MCC: variants seen among roughly 807,000 people sequenced by gnomAD.
MCC encodes the protein MCC regulator of Wnt signaling pathway.
In MCC, 90 loss-of-function variants were observed where a neutral mutation model predicts 116.2. The ratio of observed to expected loss-of-function variants is 0.77; its 90% CI spans 0.65 to 0.92. The LOEUF is 0.92. Among genes scored for constraint, MCC ranks in the 40% least tolerant of loss-of-function variants. The pLI is 0.00. For synonymous variants in MCC, 578 were observed against 510.5 expected (o/e 1.13, Z -1.78); for missense variants, 1,516 against 1,312.2 (o/e 1.16, Z -2.40).
chr5:113,189,737 T>C (rs1190062611), intron 3 of MCC, among the ~76,000 whole-genome samples: 3 of 152,186 alleles, frequency 2.0e-5, no homozygotes, highest in South Asian at 4.1e-4. Flanking sequence ...TGTTTAACCT[T>C]TGAAAAAGGA....
At chr5:113,217,098 G>C (rs1291862439) in intron 3 of MCC, among the ~76,000 whole-genome samples, 1 of 152,192 alleles carries the variant, frequency 6.6e-6, no homozygotes, top group Non-Finnish European at 1.5e-5. Context: ...TTCATAGCAG[G>C]AGCCCTGATT....
chr5:113,319,016 C>G (rs757208263), intron 3 of MCC, among the ~76,000 whole-genome samples: 2 of 152,016 alleles, frequency 1.3e-5, no homozygotes, highest in Non-Finnish European at 2.9e-5. Context: ...ACAAGACACA[C>G]GCCACCACAT....
intron 3 of MCC, among the ~76,000 whole-genome samples, chr5:113,257,809 G>C (rs968036454): frequency 2.0e-5 from 3 of 152,260 alleles, no homozygotes; most frequent in African/African-American, 7.2e-5. Flanking sequence ...GGAGACTATG[G>C]AGGAGAAGTG....
chr5:113,112,258 G>T (rs763789684), intron 6 of MCC, among the ~76,000 whole-genome samples: 8 of 152,182 alleles, frequency 5.3e-5, no homozygotes, highest in Non-Finnish European at 1.0e-4. Context: ...GCTTGGGTTT[G>T]TGTCCCTACC....
intron 8 of MCC, among the ~76,000 whole-genome samples, chr5:113,100,085 C>T (rs887819948): frequency 6.6e-6 from 1 of 152,180 alleles, no homozygotes; most frequent in Non-Finnish European, 1.5e-5. Context: ...TGGAGACTGT[C>T]ATCCGATATA....
chr5:113,152,196 C>T (rs928244316), intron 3 of MCC, among the ~76,000 whole-genome samples: 1 of 152,182 alleles, frequency 6.6e-6, no homozygotes, highest in Non-Finnish European at 1.5e-5. Context: ...TAACAGGAGG[C>T]CCCACGTACA....
At chr5:113,095,366 T>C (rs896624121) in intron 8 of MCC, among the ~76,000 whole-genome samples, 7 of 152,188 alleles carry the variant, frequency 4.6e-5, no homozygotes, top group Non-Finnish European at 8.8e-5. Flanking sequence ...AAAGCTTTTG[T>C]AGGCCTCTGT....
At chr5:113,229,457 TGGA>T (rs1448126789) in intron 3 of MCC, among the ~76,000 whole-genome samples, 1 of 152,070 alleles carries the variant, frequency 6.6e-6, no homozygotes, top group East Asian at 1.9e-4. Context: ...AACACGCAAA[TGGA>T]GGAGGTTAGC....
intron 3 of MCC, among the ~76,000 whole-genome samples, chr5:113,247,096 T>C (rs1764610099): frequency 6.6e-6 from 1 of 152,212 alleles, no homozygotes; most frequent in South Asian, 2.1e-4. Context: ...ACTGGAAAGG[T>C]AACGTCTTAA....
intron 1 of MCC, among the ~76,000 whole-genome samples, chr5:113,411,249 C>T (rs1249578757): frequency 6.6e-6 from 1 of 152,100 alleles, no homozygotes; most frequent in African/African-American, 2.4e-5. Context: ...TCAATTTCTC[C>T]ATATCCTCTC....
Position 113,183,930 on chromosome 5 carries a change from C to G in MCC, c.628-32508G>C, listed in dbSNP as rs547062527. Among the ~76,000 whole-genome samples the G allele has an allele frequency of 2.6e-5, 4 of 152,028 alleles. 1 individual carries two copies. The South Asian group carries it at 6.3e-4, about 24-fold the overall frequency. ...CGCCCCCACCCATCTTCACAATTCC[C>G]CATGCAATTTTTCGGTTGTGCAAAC... is the stretch of plus-strand genomic sequence containing the variant. On this transcript the variant is annotated intron_variant, in intron 3 of 18. Transcript: ENST00000408903.
chr5:113,147,632 T>A (rs1361565571), intron 4 of MCC, among the ~76,000 whole-genome samples: 1 of 152,178 alleles, frequency 6.6e-6, no homozygotes, highest in Non-Finnish European at 1.5e-5. Flanking sequence ...TTGTCACAAC[T>A]AACACTATTC....
intron 1 of MCC, among the ~76,000 whole-genome samples, chr5:113,463,245 T>C (rs756880047): frequency 3.9e-5 from 6 of 152,116 alleles, no homozygotes; most frequent in Non-Finnish European, 5.9e-5. Context: ...TGGTTAAGAA[T>C]TATGACTCAC....
At chr5:113,122,613 C>A in intron 6 of MCC, 71 bp downstream of exon 6, 1 of 1,567,910 alleles carries the variant, frequency 6.4e-7, no homozygotes, top group Middle Eastern at 1.9e-4. Flanking sequence ...CAGGCTGCCT[C>A]ACATTTCTAA....
At chr5:113,215,018 C>A (rs1344896357) in intron 3 of MCC, among the ~76,000 whole-genome samples, 1 of 137,734 alleles carries the variant, frequency 7.3e-6, no homozygotes, top group East Asian at 1.9e-4. Flanking sequence ...TTACTTGGAA[C>A]ACAATCCCCA....
chr5:113,227,977 AG>A (rs1763808258), intron 3 of MCC, among the ~76,000 whole-genome samples: 2 of 152,232 alleles, frequency 1.3e-5, no homozygotes, highest in African/African-American at 4.8e-5. Context: ...AGTCAAACCC[AG>A]GTATTACATA....
chr5:113,427,066 T>G (rs1361591833), intron 1 of MCC, among the ~76,000 whole-genome samples: 7 of 152,136 alleles, frequency 4.6e-5, no homozygotes. Flanking sequence ...ATGTTGCAGG[T>G]GGGGACTCTG....
chr5:113,095,370 C>T (rs578239164), intron 8 of MCC, among the ~76,000 whole-genome samples: 9 of 152,264 alleles, frequency 5.9e-5, no homozygotes, highest in Admixed American at 3.9e-4. Context: ...CTTTTGTAGG[C>T]CTCTGTTTTC....
chr5:113,125,630 T>C (rs570136006), intron 5 of MCC, among the ~76,000 whole-genome samples: 2 of 152,202 alleles, frequency 1.3e-5, no homozygotes, highest in Non-Finnish European at 2.9e-5. Context: ...CGATTTATGA[T>C]TGCAGTATGC....
Sources: allele counts gnomAD v4.1 joint callset (sites outside exome capture counted in the v4.1 genomes callset), GRCh38; gene constraint gnomAD v4.1.1; transcripts MANE v1.5; gene names NCBI Gene and HGNC (gene_info 2026-07-23, HGNC 2026-07-21).